The following CAPZA1 variants were observed in gnomAD, a reference collection of about 807,000 sequenced individuals.
The protein encoded by CAPZA1 is capping actin protein of muscle Z-line subunit alpha 1.
In CAPZA1, 10 loss-of-function variants were observed where a neutral mutation model predicts 40.8. The ratio of observed to expected loss-of-function variants is 0.25; its 90% confidence interval spans 0.15 to 0.42. CAPZA1 has a LOEUF of 0.42. Ranked by LOEUF, CAPZA1 falls within the 10% of genes least tolerant of loss-of-function variation. The pLI is 1.00. For missense variants in CAPZA1, 277 were observed against 353.8 expected, an observed-to-expected ratio of 0.78 and a Z score of 1.74; for synonymous variants, 98 against 115.0, an observed-to-expected ratio of 0.85 and a Z score of 0.95.
intron 7 of CAPZA1, among the ~76,000 whole-genome samples, chr1:112,665,471 C>T (rs1446011947): frequency 6.6e-6 from 1 of 152,098 alleles, no homozygotes; most frequent in African/African-American, 2.4e-5. Context: ...TAAACCACCG[C>T]GCCCGGCCTT....
At chr1:112,623,971 A>G (rs941174867) in intron 1 of CAPZA1, among the ~76,000 whole-genome samples, 5 of 133,594 alleles carry the variant, frequency 3.7e-5, no homozygotes, top group African/African-American at 1.4e-4. Context: ...GTGCCACTGC[A>G]CTCCAGCCTG....
chr1:112,630,143 A>G (rs1670892148), intron 1 of CAPZA1, among the ~76,000 whole-genome samples: 1 of 152,010 alleles, frequency 6.6e-6, no homozygotes, highest in Non-Finnish European at 1.5e-5. Context: ...CCTGGGCTCA[A>G]GTGATCCTCC....
At chr1:112,643,221 T>C (rs577157853) in intron 1 of CAPZA1, among the ~76,000 whole-genome samples, 1 of 152,310 alleles carries the variant, frequency 6.6e-6, no homozygotes, top group African/African-American at 2.4e-5. Flanking sequence ...TAGAAATCTT[T>C]ATTGTAACGG....
chr1:112,666,158 C>T (rs1307777590), intron 7 of CAPZA1, among the ~76,000 whole-genome samples: 1 of 152,158 alleles, frequency 6.6e-6, no homozygotes. Flanking sequence ...TCTGTGTTTC[C>T]ACTTCATAGC....
intron 1 of CAPZA1, among the ~76,000 whole-genome samples, chr1:112,639,150 CAT>C (rs1290258369): frequency 1.3e-5 from 2 of 151,874 alleles, no homozygotes; most frequent in African/African-American, 4.8e-5. Context: ...CAGGAAATAA[CAT>C]AGGATTCCTT....
chr1:112,659,385 T>A, intron 6 of CAPZA1: 1 of 529,326 alleles, frequency 1.9e-6, no homozygotes, highest in Non-Finnish European at 3.3e-6. Flanking sequence ...ATTGTGTAAC[T>A]CAGCAGCCTA....
chr1:112,619,980 G>T, intron 1 of CAPZA1, 97 bp downstream of exon 1: 2 of 1,001,016 alleles, frequency 2.0e-6, no homozygotes, highest in Admixed American at 2.3e-5. Context: ...CCAGGAAAAA[G>T]AAGCTTCTTG....
At chr1:112,628,464 C>CT (rs1279883927) in intron 1 of CAPZA1, among the ~76,000 whole-genome samples, 1 of 152,028 alleles carries the variant, frequency 6.6e-6, no homozygotes, top group East Asian at 1.9e-4. Context: ...GAACTAAGTT[C>CT]TTTTTTTCAG....
At chr1:112,650,364 G>A (rs781177505) in intron 3 of CAPZA1, among the ~76,000 whole-genome samples, 2 of 152,252 alleles carry the variant, frequency 1.3e-5, no homozygotes, top group African/African-American at 2.4e-5. Context: ...TTCTGCAAAC[G>A]TAGAATTTGC....
intron 1 of CAPZA1, among the ~76,000 whole-genome samples, chr1:112,635,065 CT>C (rs1670989560): frequency 6.6e-6 from 1 of 152,110 alleles, no homozygotes. Context: ...GGCAGTTTCC[CT>C]CCCAAAAAAA....
In CAPZA1 at chr1:112,661,572, T is replaced by C. The variant is rs188854581; in HGVS notation, c.585+1793T>C. 5.6e-4 allele frequency among the ~76,000 whole-genome samples: 85 copies of C among 152,378 alleles called. 2 individuals are homozygous for C. Among genetic ancestry groups the C allele is most frequent in the Non-Finnish European group, 1.6e-4 (11 of 68,036 alleles). On this transcript the variant is annotated intron_variant, in intron 7 of 9. Coordinates refer to ENST00000263168, the MANE Select transcript of CAPZA1 (RefSeq NM_006135.3). ...ACCTAAGACAGCATACTGTTCTGTT[T>C]CTGTTAACAAAATATCTTAGTAGCC...
At chr1:112,650,190 G>T (rs1341600109) in intron 3 of CAPZA1, among the ~76,000 whole-genome samples, 2 of 152,118 alleles carry the variant, frequency 1.3e-5, no homozygotes, top group Non-Finnish European at 2.9e-5. Flanking sequence ...GACAGGACAA[G>T]GACATGTTGA....
chr1:112,639,903 G>T (rs1448327706), intron 1 of CAPZA1, among the ~76,000 whole-genome samples: 3 of 127,034 alleles, frequency 2.4e-5, no homozygotes, highest in African/African-American at 8.5e-5. Context: ...CGCCCCGTCC[G>T]GGAGGGAGGT....
At chr1:112,648,231 T>C (rs1671318598) in intron 2 of CAPZA1, among the ~76,000 whole-genome samples, 2 of 152,170 alleles carry the variant, frequency 1.3e-5, no homozygotes, top group Non-Finnish European at 2.9e-5. Context: ...TAAAATTGTT[T>C]GTGGATTTTG....
At chr1:112,648,347 C>CTTTTTTTT (rs35670246) in intron 2 of CAPZA1, among the ~76,000 whole-genome samples, 3 of 99,382 alleles carry the variant, frequency 3.0e-5, no homozygotes, top group Non-Finnish European at 4.1e-5. Flanking sequence ...TTGAATTTTT[C>CTTTTTTTT]TTTTTTTTTT....
At chr1:112,628,530 G>A (rs1371917589) in intron 1 of CAPZA1, among the ~76,000 whole-genome samples, 2 of 152,148 alleles carry the variant, frequency 1.3e-5, no homozygotes, top group East Asian at 3.8e-4. Context: ...CATAGAATTA[G>A]AACAAAGGAA....
rs1671735134 is a variant in CAPZA1, at chr1:112,666,961, G to A, written c.586-113G>A. ...TGCTTATATTAATTATTTGTTCAGA[G>A]TTGGTAAAATGGCTCATCAACTTAA... is the stretch of plus-strand genomic sequence containing the variant. On this transcript the variant is annotated intron_variant, in intron 7 of 9. Coordinates refer to ENST00000263168, the MANE Select transcript of CAPZA1 (RefSeq NM_006135.3). 6 of 654,494 alleles carry A rather than the reference G, an allele frequency of 9.2e-6. No individual in the cohort carries two copies. The South Asian group carries it at 1.0e-4, about 11-fold the overall frequency. 40.5% of individuals were successfully genotyped at this position (654,494 alleles called of 1,614,324 possible).
At chr1:112,669,381 A>G (rs571160557) in intron 8 of CAPZA1, among the ~76,000 whole-genome samples, 162 bp from the exon 9 acceptor site, 2 of 152,206 alleles carry the variant, frequency 1.3e-5, no homozygotes, top group African/African-American at 4.8e-5. Context: ...AGTGTCTTCC[A>G]TAGAGTTGTT....
chr1:112,649,073 T>G (rs1473635975), intron 2 of CAPZA1, among the ~76,000 whole-genome samples: 2 of 152,236 alleles, frequency 1.3e-5, no homozygotes, highest in Admixed American at 6.5e-5. Flanking sequence ...GACTGAATTG[T>G]GCCCAGCTTT....
Sources: allele counts gnomAD v4.1 joint callset (sites outside exome capture counted in the v4.1 genomes callset), GRCh38; gene constraint gnomAD v4.1.1; transcripts MANE v1.5; gene names NCBI Gene and HGNC (gene_info 2026-07-23, HGNC 2026-07-21).